Variants in MAP2K1 observed in about 807,000 individuals in gnomAD.
The protein encoded by MAP2K1 is mitogen-activated protein kinase kinase 1.
In MAP2K1, 16 loss-of-function variants were observed where a neutral mutation model predicts 46.3. The ratio of observed to expected loss-of-function variants is 0.35; its 90% confidence interval spans 0.23 to 0.52. MAP2K1 has a LOEUF of 0.52. MAP2K1 is among the 20% of genes least tolerant of loss of function. The probability of loss-of-function intolerance (pLI) is 0.94; values close to 1 mark genes in which losing one functional copy is unlikely to be tolerated. For synonymous variants in MAP2K1, 183 were observed against 185.6 expected (o/e 0.99, Z 0.11); for missense variants, 263 against 497.1 (o/e 0.53, Z 4.48).
chr15:66,455,125 A>G (rs989827887), intron 5 of MAP2K1, among the ~76,000 whole-genome samples: 3 of 152,188 alleles, frequency 2.0e-5, no homozygotes, highest in Non-Finnish European at 2.9e-5. Context: ...AGAGGGGTCC[A>G]GAGTCAGTGC....
At chr15:66,438,450 G>A (rs190728104) in intron 3 of MAP2K1, among the ~76,000 whole-genome samples, 2 of 152,112 alleles carry the variant, frequency 1.3e-5, no homozygotes, top group Admixed American at 1.3e-4. Flanking sequence ...CATTTACATT[G>A]ACCTTTTTTG....
chr15:66,404,188 A>G (rs1261878590), intron 1 of MAP2K1, among the ~76,000 whole-genome samples: 1 of 152,170 alleles, frequency 6.6e-6, no homozygotes, highest in Non-Finnish European at 1.5e-5. Flanking sequence ...CCGTTCACTA[A>G]AGGAAAGACC....
intron 1 of MAP2K1, among the ~76,000 whole-genome samples, chr15:66,432,959 AGTGTGTGTGTGTGTGTGTGTGT>A (rs1164509967): frequency 7.6e-6 from 1 of 131,900 alleles, no homozygotes; most frequent in East Asian, 2.3e-4. Context: ...CATCATGCAC[AGTGTGTGTGTGTGTGTGTGTGT>A]GTGTGTGTGT....
intron 5 of MAP2K1, among the ~76,000 whole-genome samples, chr15:66,473,842 T>A (rs1892695922): frequency 6.6e-6 from 1 of 152,092 alleles, no homozygotes; most frequent in Non-Finnish European, 1.5e-5. Flanking sequence ...CATGCCTGGA[T>A]AATTTTTTTT....
intron 5 of MAP2K1, among the ~76,000 whole-genome samples, chr15:66,455,550 T>C (rs1182818615): frequency 6.6e-6 from 1 of 152,096 alleles, no homozygotes; most frequent in Non-Finnish European, 1.5e-5. Flanking sequence ...TACCATTTAG[T>C]TACTGTTTTT....
chr15:66,440,889 G>A lies in MAP2K1; in HGVS notation c.439-2391G>A, dbSNP rs552559819. The stretch of plus-strand genomic sequence containing the variant: ...GCCCCTTACATTTTGTAATTCCATC[G>A]TTCACACTATACTCTGCTTGAAGCT... On this transcript the variant is annotated intron_variant, in intron 3 of 10. Transcript: ENST00000307102. Among the ~76,000 whole-genome samples the A allele has an allele frequency of 2.6e-5, 4 of 152,214 alleles. No homozygotes were observed. In the South Asian group the frequency reaches 6.2e-4, roughly 24 times the overall value.
At chr15:66,457,775 A>T (rs1892206519) in intron 5 of MAP2K1, among the ~76,000 whole-genome samples, 1 of 152,004 alleles carries the variant, frequency 6.6e-6, no homozygotes, top group South Asian at 2.1e-4. Context: ...CAGCCTGGCC[A>T]ATGTGGTGAA....
intron 1 of MAP2K1, among the ~76,000 whole-genome samples, chr15:66,425,091 CA>C (rs2093454338): frequency 6.6e-6 from 1 of 152,108 alleles, no homozygotes; most frequent in Non-Finnish European, 1.5e-5. Context: ...CCACTGTGCC[CA>C]GCCTCCCGTC....
At chr15:66,477,591 C>G (rs35951728) in intron 5 of MAP2K1, among the ~76,000 whole-genome samples, 84,431 of 152,136 alleles carry the variant, frequency 0.55, 24,076 homozygotes, top group Middle Eastern at 0.66. Context: ...GACTTGCTCA[C>G]GGCTGCATGT....
At chr15:66,467,493 T>A (rs1219326297) in intron 5 of MAP2K1, among the ~76,000 whole-genome samples, 5 of 152,218 alleles carry the variant, frequency 3.3e-5, no homozygotes, top group Non-Finnish European at 7.3e-5. Context: ...TATGGTTATT[T>A]TACTAAATAA....
chr15:66,416,895 C>T (rs1440674868), intron 1 of MAP2K1, among the ~76,000 whole-genome samples: 2 of 152,162 alleles, frequency 1.3e-5, no homozygotes, highest in Non-Finnish European at 2.9e-5. Flanking sequence ...TCCTTCTGCT[C>T]TTGCTGCTCT....
chr15:66,456,013 G>A (rs1228426296), intron 5 of MAP2K1, among the ~76,000 whole-genome samples: 6 of 152,090 alleles, frequency 3.9e-5, no homozygotes, highest in African/African-American at 1.4e-4. Flanking sequence ...AAAATCTCTG[G>A]GTGACATTCT....
intron 5 of MAP2K1, chr15:66,453,598 C>T (rs1892092115): frequency 8.5e-6 from 6 of 702,114 alleles, no homozygotes; most frequent in African/African-American, 1.7e-5. Context: ...AGAGAGCAGT[C>T]TCCTTGTCCC....
At chr15:66,457,622 G>A (rs376491516) in intron 5 of MAP2K1, among the ~76,000 whole-genome samples, 1 of 152,242 alleles carries the variant, frequency 6.6e-6, no homozygotes, top group East Asian at 1.9e-4. Context: ...ACCAAAAGGG[G>A]AAGGAGAATC....
At chr15:66,479,294 C>T (rs1334790991) in intron 5 of MAP2K1, among the ~76,000 whole-genome samples, 1 of 151,980 alleles carries the variant, frequency 6.6e-6, no homozygotes, top group Admixed American at 6.6e-5. Context: ...GAGAAGGTTT[C>T]ACCATGTTGG....
intron 5 of MAP2K1, among the ~76,000 whole-genome samples, chr15:66,463,010 C>T (rs896689395): frequency 1.3e-5 from 2 of 152,184 alleles, no homozygotes; most frequent in Non-Finnish European, 2.9e-5. Flanking sequence ...GAAGACACCA[C>T]CTCTCAGCAA....
At chr15:66,424,180 C>A (rs1386162281) in intron 1 of MAP2K1, among the ~76,000 whole-genome samples, 1 of 151,962 alleles carries the variant, frequency 6.6e-6, no homozygotes, top group East Asian at 1.9e-4. Context: ...GTCTCAGCCT[C>A]CTGAGTAGCT....
At chr15:66,453,333 C>T (rs1892084906) in intron 5 of MAP2K1, 2 of 598,304 alleles carry the variant, frequency 3.3e-6, no homozygotes, top group South Asian at 4.1e-5. Flanking sequence ...AGATGGGTCT[C>T]TGAACAGATG....
chr15:66,405,442 C>T (rs960680360), intron 1 of MAP2K1, among the ~76,000 whole-genome samples: 7 of 152,216 alleles, frequency 4.6e-5, no homozygotes, highest in African/African-American at 1.4e-4. Flanking sequence ...TTCTTCATTG[C>T]AGAAAGTTCT....
Sources: gnomAD v4.1 joint callset for allele counts (sites outside exome capture counted in the v4.1 genomes callset) on GRCh38, gnomAD v4.1.1 for gene constraint, MANE v1.5 for transcripts, NCBI Gene and HGNC (gene_info 2026-07-23, HGNC 2026-07-21) for gene names.